CNTN4: variants seen among roughly 807,000 people sequenced by gnomAD.
CNTN4 encodes the protein contactin 4.
CNTN4 carries 77 observed loss-of-function variants against 122.5 expected under a neutral mutation model. The observed-to-expected ratio is 0.63, with a 90% CI of 0.52 to 0.76. The LOEUF is 0.76. CNTN4 is among the 30% of genes least tolerant of loss of function. The pLI is 0.00. For synonymous variants in CNTN4, 512 were observed against 447.0 expected (o/e 1.15, Z -1.83); for missense variants, 1,256 against 1,259.1 (o/e 1.00, Z 0.04).
intron 3 of CNTN4, among the ~76,000 whole-genome samples, chr3:2,433,736 G>T (rs191643672): frequency 2.6e-5 from 4 of 152,120 alleles, no homozygotes; most frequent in Non-Finnish European, 4.4e-5. Context: ...TTTTCTTCTA[G>T]TAGTTTTGTA....
At chr3:2,731,804 A>G (rs776700172) in intron 4 of CNTN4, among the ~76,000 whole-genome samples, 11 of 152,264 alleles carry the variant, frequency 7.2e-5, no homozygotes, top group Non-Finnish European at 1.3e-4. Flanking sequence ...GGTAGTGGTT[A>G]CAGTATAAAT....
intron 21 of CNTN4, 109 bp downstream of exon 21, chr3:3,042,531 T>C (rs1700258391): frequency 1.3e-6 from 1 of 763,956 alleles, no homozygotes; most frequent in Admixed American, 2.0e-5. Flanking sequence ...TAAGAGGCAT[T>C]GGTTTTAGGC....
intron 4 of CNTN4, among the ~76,000 whole-genome samples, chr3:2,710,321 TG>T (rs1437292651): frequency 6.6e-6 from 1 of 152,172 alleles, no homozygotes; most frequent in Non-Finnish European, 1.5e-5. Context: ...AAGAAGCAAT[TG>T]GAGAGGCAAA....
intron 4 of CNTN4, among the ~76,000 whole-genome samples, chr3:2,636,925 T>A (rs1347007245): frequency 5.3e-5 from 4 of 74,854 alleles, no homozygotes; most frequent in Middle Eastern, 5.3e-3. Context: ...TCTTTCTTTG[T>A]TTTTTTTTTT....
intron 3 of CNTN4, among the ~76,000 whole-genome samples, chr3:2,428,381 A>G (rs2047926333): frequency 6.6e-6 from 1 of 152,196 alleles, no homozygotes; most frequent in South Asian, 2.1e-4. Flanking sequence ...CTTTGCTTTA[A>G]GAATGTTGAA....
intron 3 of CNTN4, among the ~76,000 whole-genome samples, chr3:2,422,120 G>A (rs1199727274): frequency 6.6e-6 from 1 of 152,236 alleles, no homozygotes; most frequent in African/African-American, 2.4e-5. Flanking sequence ...GCTTTCACCA[G>A]AGGTGAAGTT....
intron 3 of CNTN4, among the ~76,000 whole-genome samples, chr3:2,379,297 C>G (rs899718908): frequency 6.6e-6 from 1 of 151,094 alleles, no homozygotes; most frequent in East Asian, 1.9e-4. Flanking sequence ...AAGCTTTACC[C>G]TGCAGATGGT....
intron 4 of CNTN4, among the ~76,000 whole-genome samples, chr3:2,730,921 A>C (rs1306926309): frequency 6.6e-6 from 1 of 151,944 alleles, no homozygotes; most frequent in Non-Finnish European, 1.5e-5. Flanking sequence ...AATTAAAAGA[A>C]AAAAAAATAG....
intron 2 of CNTN4, among the ~76,000 whole-genome samples, chr3:2,129,364 C>T (rs1420435960): frequency 4.7e-5 from 7 of 148,592 alleles, no homozygotes; most frequent in Admixed American, 1.4e-4. Context: ...TGTTGGCTTC[C>T]GTAGTGGACT....
chr3:2,715,760 A>C (rs1172143548), intron 4 of CNTN4, among the ~76,000 whole-genome samples: 4 of 152,220 alleles, frequency 2.6e-5, no homozygotes, highest in Non-Finnish European at 5.9e-5. Context: ...TGGCTGAGAC[A>C]GTGCGAGCTC....
intron 2 of CNTN4, among the ~76,000 whole-genome samples, chr3:2,177,371 T>G (rs1375664982): frequency 2.0e-5 from 3 of 152,140 alleles, no homozygotes; most frequent in Non-Finnish European, 2.9e-5. Flanking sequence ...TCATATCTTT[T>G]TTCCTCTGAC....
At chr3:2,872,555 C>G (rs971282354) in intron 8 of CNTN4, among the ~76,000 whole-genome samples, 1 of 151,866 alleles carries the variant, frequency 6.6e-6, no homozygotes, top group Admixed American at 6.6e-5. Context: ...TCTGATAGGT[C>G]CATGCATTGC....
At chr3:2,897,421 TG>T (rs2094127327) in intron 10 of CNTN4, among the ~76,000 whole-genome samples, 1 of 142,960 alleles carries the variant, frequency 7.0e-6, no homozygotes, top group African/African-American at 2.6e-5. Flanking sequence ...GCTTAATATG[TG>T]GGCTCTGTAT....
chr3:2,574,107 T>C (rs997639918), intron 4 of CNTN4, among the ~76,000 whole-genome samples: 1 of 152,090 alleles, frequency 6.6e-6, no homozygotes, highest in Non-Finnish European at 1.5e-5. Flanking sequence ...TCCCAGCTAC[T>C]TGGGAGGCTA....
intron 3 of CNTN4, among the ~76,000 whole-genome samples, chr3:2,354,045 C>T (rs573807979): frequency 3.3e-5 from 5 of 152,188 alleles, no homozygotes; most frequent in African/African-American, 1.2e-4. Context: ...TATGACGTAA[C>T]CTAAAGTAGG....
At chr3:2,820,957 C>CTTT (rs1435679583) in intron 7 of CNTN4, among the ~76,000 whole-genome samples, 11 of 70,630 alleles carry the variant, frequency 1.6e-4, no homozygotes, top group African/African-American at 5.6e-4. Context: ...AACATTTTCT[C>CTTT]TTTCTTTTTT....
At chr3:2,558,742 C>T (rs1195899884) in intron 3 of CNTN4, among the ~76,000 whole-genome samples, 3 of 152,008 alleles carry the variant, frequency 2.0e-5, no homozygotes, top group Non-Finnish European at 2.9e-5. Context: ...CCTCAGTTTC[C>T]CTGCCTAAAA....
intron 4 of CNTN4, among the ~76,000 whole-genome samples, chr3:2,616,855 A>C (rs1404584706): frequency 6.6e-6 from 1 of 152,220 alleles, no homozygotes; most frequent in Non-Finnish European, 1.5e-5. Context: ...CAACCATTTG[A>C]TCTTCAACAA....
rs1220761684 is a variant in CNTN4 at position 2,600,005 on chromosome 3, C to CTTTTTTTTTTTTTTTTTTTTTTTTTTT, written c.55+28449_55+28450insTTTTTTTTTTTTTTTTTTTTTTTTTTT. Among the ~76,000 whole-genome samples, 8 of 28,270 alleles carry CTTTTTTTTTTTTTTTTTTTTTTTTTTT rather than the reference C, an allele frequency of 2.8e-4. 1 individual carries two copies. The highest frequency in any genetic ancestry group is 5.7e-4 in the Non-Finnish European group (6 of 10,616). The allele number at this position is 28,270 out of a possible 152,430, so 18.5% of individuals were successfully genotyped here. A position where few individuals can be genotyped will look rare whatever the true frequency, so the allele number is the denominator to read the frequency against. ...CAACTCTATTTTGGTTTATGGAATT[C>CTTTTTTTTTTTTTTTTTTTTTTTTTTT]TTCTTTTTTTTTTTTTTTTTTTTTT... On this transcript the variant is annotated intron_variant, in intron 4 of 24. Coordinates refer to ENST00000418658, the MANE Select transcript of CNTN4 (RefSeq NM_175607.3).
Sources: gnomAD v4.1 joint callset for allele counts (sites outside exome capture counted in the v4.1 genomes callset) on GRCh38, gnomAD v4.1.1 for gene constraint, MANE v1.5 for transcripts, NCBI Gene and HGNC (gene_info 2026-07-23, HGNC 2026-07-21) for gene names.